The following IQGAP2 variants were observed in gnomAD, a reference collection of about 807,000 sequenced individuals.
The protein encoded by IQGAP2 is ras GTPase-activating-like protein IQGAP2.
A neutral mutation model predicts 201.3 loss-of-function variants in IQGAP2; 173 were observed. That is an observed-to-expected ratio of 0.86 (90% CI 0.76 to 0.98). The LOEUF is 0.98. IQGAP2 is among the 50% of genes least tolerant of loss of function. The probability of loss-of-function intolerance (pLI) is 0.00; values close to 1 mark genes in which losing one functional copy is unlikely to be tolerated. For synonymous variants in IQGAP2, 675 were observed against 673.9 expected, an observed-to-expected ratio of 1.00 and a Z score of -0.03; for missense variants, 1,687 against 1,864.8, an observed-to-expected ratio of 0.90 and a Z score of 1.76.
At chr5:76,681,532 T>TAAA (rs35266891) in intron 28 of IQGAP2, among the ~76,000 whole-genome samples, 2 of 141,858 alleles carry the variant, frequency 1.4e-5, no homozygotes, top group Admixed American at 7.0e-5. Context: ...TATCAAAATT[T>TAAA]AAAAAAAAAA....
intron 30 of IQGAP2, among the ~76,000 whole-genome samples, chr5:76,687,462 A>T (rs1212041024): frequency 2.0e-5 from 3 of 152,256 alleles, no homozygotes; most frequent in Admixed American, 2.0e-4. Flanking sequence ...TGCAGCATTG[A>T]CAGGGAACCT....
chr5:76,459,984 A>G (rs1290609691), intron 1 of IQGAP2, among the ~76,000 whole-genome samples: 1 of 152,148 alleles, frequency 6.6e-6, no homozygotes. Flanking sequence ...AGTAATGATG[A>G]GCTCACTTAG....
chr5:76,701,605 T>C lies in IQGAP2; in HGVS notation c.4505+392T>C, dbSNP rs565073662. Reference sequence around the variant, plus strand: ...AGCCATTTCCAAAGCATGCTGTGAGTGTGTGTATTCGGTGTAGTGGAAAAA... The same window carrying C: ...AGCCATTTCCAAAGCATGCTGTGAGCGTGTGTATTCGGTGTAGTGGAAAAA... On this transcript the variant is annotated intron_variant, in intron 34 of 35. Coordinates refer to ENST00000274364, the MANE Select transcript of IQGAP2 (RefSeq NM_006633.5). 4.5e-5 allele frequency: 8 copies of C among 175,934 alleles called. No individual in the cohort carries two copies. The South Asian group carries it at 1.1e-3, about 24-fold the overall frequency. The allele number at this position is 175,934 out of a possible 1,614,324, so 10.9% of individuals were successfully genotyped here. A position where few individuals can be genotyped will look rare whatever the true frequency, so the allele number is the denominator to read the frequency against.
rs73125592 is a variant in IQGAP2 at position 76,675,801 on chromosome 5, T to C, written c.3527+1092T>C. The stretch of plus-strand genomic sequence containing the variant: ...AATTTGTGGTCTTTTGTGAGAAAAT[T>C]GCCCCAAATCCTCCTACTACAGAAA... On this transcript the variant is annotated intron_variant, in intron 27 of 35. Coordinates refer to ENST00000274364, the MANE Select transcript of IQGAP2 (RefSeq NM_006633.5). Among the ~76,000 whole-genome samples, 956 of 152,260 alleles carry C rather than the reference T, an allele frequency of 6.3e-3. 14 individuals are homozygous for C. The highest frequency in any genetic ancestry group is 0.021 in the African/African-American group (887 of 41,540).
intron 18 of IQGAP2, 95 bp downstream of exon 18, chr5:76,652,928 C>A: frequency 1.2e-6 from 1 of 807,558 alleles, no homozygotes; most frequent in South Asian, 1.5e-5. Context: ...AGGGAGGGTA[C>A]ATGTGAGCCT....
At chr5:76,573,246 C>G (rs986361898) in intron 4 of IQGAP2, among the ~76,000 whole-genome samples, 1 of 152,180 alleles carries the variant, frequency 6.6e-6, no homozygotes, top group Non-Finnish European at 1.5e-5. Flanking sequence ...TAGGGCCAAA[C>G]AAGTGGTGTT....
chr5:76,617,608 G>A, intron 13 of IQGAP2: 1 of 1,613,202 alleles, frequency 6.2e-7, no homozygotes, highest in East Asian at 2.2e-5. Flanking sequence ...GCAGTGGAGT[G>A]ATTTCTGGTT....
At chr5:76,558,206 G>A (rs1744083098) in intron 2 of IQGAP2, among the ~76,000 whole-genome samples, 1 of 151,908 alleles carries the variant, frequency 6.6e-6, no homozygotes, top group South Asian at 2.1e-4. Flanking sequence ...ATCATACTTC[G>A]GGGAGCTTTT....
intron 17 of IQGAP2, among the ~76,000 whole-genome samples, chr5:76,646,954 G>A (rs923307735): frequency 6.6e-6 from 1 of 152,034 alleles, no homozygotes; most frequent in Non-Finnish European, 1.5e-5. Context: ...CTAGTCACCA[G>A]GATGAACTCT....
At chr5:76,631,354 A>G (rs1031223485) in intron 14 of IQGAP2, among the ~76,000 whole-genome samples, 5 of 152,148 alleles carry the variant, frequency 3.3e-5, no homozygotes, top group Non-Finnish European at 7.4e-5. Context: ...CGTTGCACAT[A>G]TCCACCAGCT....
chr5:76,628,530 A>G (rs1750439202), intron 14 of IQGAP2, among the ~76,000 whole-genome samples: 3 of 152,352 alleles, frequency 2.0e-5, no homozygotes, highest in South Asian at 4.1e-4. Flanking sequence ...ATAGTCTGAA[A>G]TAGCTTCTAA....
intron 5 of IQGAP2, among the ~76,000 whole-genome samples, chr5:76,577,895 G>A (rs1745576514): frequency 6.6e-6 from 1 of 152,156 alleles, no homozygotes; most frequent in African/African-American, 2.4e-5. Flanking sequence ...GAGTAATTAG[G>A]CAGGTCAGAG....
intron 34 of IQGAP2, 77 bp downstream of exon 34, chr5:76,701,290 T>C: frequency 7.1e-7 from 1 of 1,417,142 alleles, no homozygotes; most frequent in Non-Finnish European, 9.9e-7. Flanking sequence ...CTCCATTTGG[T>C]CTAGCAAGGC....
chr5:76,562,578 C>T (rs1744459538), intron 3 of IQGAP2, 26 bp downstream of exon 3: 4 of 1,595,720 alleles, frequency 2.5e-6, no homozygotes, highest in South Asian at 1.1e-5. Context: ...TTGGTTTTGG[C>T]TTCCAGCTAA....
chr5:76,429,175 C>T (rs1752189813), intron 1 of IQGAP2, among the ~76,000 whole-genome samples: 1 of 151,690 alleles, frequency 6.6e-6, no homozygotes, highest in Non-Finnish European at 1.5e-5. Context: ...TGTATGTTTT[C>T]TCTTATAGAT....
intron 1 of IQGAP2, among the ~76,000 whole-genome samples, chr5:76,455,175 G>A (rs937948463): frequency 1.3e-5 from 2 of 152,056 alleles, no homozygotes; most frequent in African/African-American, 4.8e-5. Flanking sequence ...ACAGTCTGAT[G>A]CAGTGGCTCA....
chr5:76,635,254 G>A (rs1362212843), intron 15 of IQGAP2, among the ~76,000 whole-genome samples: 1 of 152,182 alleles, frequency 6.6e-6, no homozygotes, highest in Non-Finnish European at 1.5e-5. Context: ...TTGGATGAGA[G>A]CTAAAAACAA....
At chr5:76,702,351 G>A (rs892612736) in intron 34 of IQGAP2, 131 bp from the exon 35 acceptor site, 1 of 584,652 alleles carries the variant, frequency 1.7e-6, no homozygotes, top group African/African-American at 1.9e-5. Context: ...TGAGGTTTTT[G>A]GTGACTTCCT....
Position 76,694,766 on chromosome 5 carries a change from A to G in IQGAP2, c.3994-688A>G, listed in dbSNP as rs560617135. Among the ~76,000 whole-genome samples, 30 of 152,334 alleles carry G rather than the reference A, an allele frequency of 2.0e-4. 1 individual carries two copies. The South Asian group carries it at 5.6e-3, about 28-fold the overall frequency. The stretch of plus-strand genomic sequence containing the variant: ...ATAGTCGTTTCCTTAGACTTCATCT[A>G]TTGGGTCAGTCAATTGTCTAGTACA... On this transcript the variant is annotated intron_variant, in intron 31 of 35. Coordinates refer to ENST00000274364, the MANE Select transcript of IQGAP2 (RefSeq NM_006633.5).
Sources: allele counts gnomAD v4.1 joint callset (sites outside exome capture counted in the v4.1 genomes callset), GRCh38; gene constraint gnomAD v4.1.1; transcripts MANE v1.5; gene names NCBI Gene and HGNC (gene_info 2026-07-23, HGNC 2026-07-21).